ADAMTSL1: variants seen among roughly 807,000 people sequenced by gnomAD.
The protein encoded by ADAMTSL1 is ADAMTS like 1.
In ADAMTSL1, 126 loss-of-function variants were observed where a neutral mutation model predicts 201.8. The ratio of observed to expected loss-of-function variants is 0.62; its 90% CI spans 0.54 to 0.72. The LOEUF (loss-of-function observed/expected upper bound fraction) is 0.72. Ranked by LOEUF, ADAMTSL1 falls within the 30% of genes least tolerant of loss-of-function variation. The probability of loss-of-function intolerance (pLI) is 0.00; values close to 1 mark genes in which losing one functional copy is unlikely to be tolerated. For missense variants in ADAMTSL1, 2,679 were observed against 2,277.8 expected, an observed-to-expected ratio of 1.18 and a Z score of -3.59; for synonymous variants, 1,121 against 903.4, an observed-to-expected ratio of 1.24 and a Z score of -4.32.
chr9:18,221,208 T>C (rs1036891382), intron 2 of ADAMTSL1, among the ~76,000 whole-genome samples: 7 of 152,246 alleles, frequency 4.6e-5, no homozygotes, highest in African/African-American at 1.7e-4. Context: ...GGTTTTGCTT[T>C]GTTTTTAACC....
At position 18,639,353 on chromosome 9, in the gene ADAMTSL1, T is replaced by G. The variant is rs772439164; in HGVS notation, c.776T>G (p.Phe259Cys). The G allele has an allele frequency of 6.2e-7, 1 of 1,613,024 alleles. No individual in the cohort carries two copies. Among genetic ancestry groups the G allele is most frequent in the Non-Finnish European group, 8.5e-7 (1 of 1,179,312 alleles). Residue 259 changes from phenylalanine (F) to cysteine (C), a missense_variant, in exon 7 of 29, where the codon TTT (phenylalanine) becomes TGT (cysteine). By Grantham distance (205) the Phe-to-Cys change is radical. Transcript: ENST00000380548. ...AATTCTAGTGTGGACTTCCAGAAAT[T>G]TCCAGACAAAGAGATACTGAGAATG... ...VDNSSVDFQK[F>C]PDKEILRMAG... is the part of the protein sequence containing the mutation.
chr9:18,328,180 A>C (rs147498382), intron 2 of ADAMTSL1, among the ~76,000 whole-genome samples: 262 of 152,336 alleles, frequency 1.7e-3, no homozygotes, highest in African/African-American at 6.0e-3. Context: ...CCTGGGTACC[A>C]CTTCAGCTAT....
At chr9:17,928,380 T>C (rs1166260208) in intron 1 of ADAMTSL1, among the ~76,000 whole-genome samples, 2 of 152,292 alleles carry the variant, frequency 1.3e-5, no homozygotes, top group East Asian at 3.9e-4. Context: ...AAACAGTTCT[T>C]TTTGAACTCA....
chr9:18,766,800 A>G (rs1297884127), intron 16 of ADAMTSL1, among the ~76,000 whole-genome samples: 1 of 117,954 alleles, frequency 8.5e-6, no homozygotes, highest in Non-Finnish European at 1.7e-5. Context: ...TCATCTCCCA[A>G]AAGTCCTCAC....
intron 1 of ADAMTSL1, among the ~76,000 whole-genome samples, chr9:18,158,357 T>C (rs1827245090): frequency 6.6e-6 from 1 of 152,152 alleles, no homozygotes; most frequent in South Asian, 2.1e-4. Context: ...TTCTAATCCT[T>C]TACAGTTGAA....
chr9:18,794,105 T>C (rs914886975), intron 19 of ADAMTSL1, among the ~76,000 whole-genome samples: 2 of 152,002 alleles, frequency 1.3e-5, no homozygotes, highest in African/African-American at 4.8e-5. Flanking sequence ...AGTTTTGACT[T>C]TATTCTACTG....
chr9:18,324,801 T>C (rs1456279688), intron 2 of ADAMTSL1, among the ~76,000 whole-genome samples: 1 of 150,920 alleles, frequency 6.6e-6, no homozygotes, highest in Non-Finnish European at 1.5e-5. Context: ...AAATTTTAAA[T>C]GTATCTTCAC....
At chr9:18,637,862 G>A (rs1051740812) in intron 6 of ADAMTSL1, among the ~76,000 whole-genome samples, 3 of 152,032 alleles carry the variant, frequency 2.0e-5, no homozygotes, top group African/African-American at 7.2e-5. Context: ...ACCTTGAGAA[G>A]GACAGCTGTA....
intron 1 of ADAMTSL1, among the ~76,000 whole-genome samples, chr9:18,490,007 A>G (rs146609830): frequency 6.6e-6 from 1 of 152,202 alleles, no homozygotes; most frequent in South Asian, 2.1e-4. Flanking sequence ...AACCTTAGTC[A>G]TCTCGTGCTC....
intron 2 of ADAMTSL1, among the ~76,000 whole-genome samples, chr9:18,167,059 C>A (rs915509803): frequency 1.3e-5 from 2 of 151,958 alleles, no homozygotes. Context: ...AACTAAACTT[C>A]CAGTGATTGC....
At chr9:18,688,710 G>A (rs1468698857) in intron 13 of ADAMTSL1, among the ~76,000 whole-genome samples, 5 of 41,584 alleles carry the variant, frequency 1.2e-4, no homozygotes, top group African/African-American at 3.6e-4. Flanking sequence ...ATATATATAT[G>A]ACTGTGACTA....
At chr9:17,966,596 C>T (rs976461616) in intron 1 of ADAMTSL1, among the ~76,000 whole-genome samples, 2 of 152,100 alleles carry the variant, frequency 1.3e-5, no homozygotes, top group Non-Finnish European at 2.9e-5. Context: ...ATAGTTTAGT[C>T]TTGCCCTTTA....
chr9:18,425,401 AG>A (rs1819163963), intron 2 of ADAMTSL1, among the ~76,000 whole-genome samples: 1 of 98,222 alleles, frequency 1.0e-5, no homozygotes, highest in East Asian at 8.5e-4. Context: ...GAGTTCTGTT[AG>A]AATAGCAAAA....
At chr9:18,207,007 A>G (rs1043541547) in intron 2 of ADAMTSL1, among the ~76,000 whole-genome samples, 3 of 152,054 alleles carry the variant, frequency 2.0e-5, no homozygotes, top group African/African-American at 4.8e-5. Flanking sequence ...TCTACTAAAA[A>G]TACAAAAATT....
At chr9:18,255,774 A>T (rs750161336) in intron 2 of ADAMTSL1, among the ~76,000 whole-genome samples, 4 of 151,442 alleles carry the variant, frequency 2.6e-5, no homozygotes, top group Non-Finnish European at 5.9e-5. Flanking sequence ...CTCCTTGCCC[A>T]CTCCCTCCCA....
chr9:18,632,130 C>A (rs1332712), intron 5 of ADAMTSL1, among the ~76,000 whole-genome samples: 51,666 of 151,988 alleles, frequency 0.34, 9,411 homozygotes, highest in African/African-American at 0.47. Context: ...CAGGTGTTGC[C>A]ACCAGATTGC....
intron 2 of ADAMTSL1, among the ~76,000 whole-genome samples, chr9:18,286,847 T>C (rs1302071797): frequency 1.3e-5 from 2 of 152,198 alleles, no homozygotes; most frequent in South Asian, 2.1e-4. Flanking sequence ...GTTTATGTTA[T>C]AAAATATAGA....
At chr9:18,873,574 GT>G (rs1827981547) in intron 23 of ADAMTSL1, among the ~76,000 whole-genome samples, 1 of 152,030 alleles carries the variant, frequency 6.6e-6, no homozygotes, top group Non-Finnish European at 1.5e-5. Flanking sequence ...CCCACTTTAT[GT>G]TTTTGTTTGC....
At chr9:18,905,328 G>T (rs1406084174) in intron 26 of ADAMTSL1, among the ~76,000 whole-genome samples, 1 of 152,198 alleles carries the variant, frequency 6.6e-6, no homozygotes. Flanking sequence ...GGTTTAACCT[G>T]CAGAAAATGA....
Sources: gnomAD v4.1 joint callset for allele counts (sites outside exome capture counted in the v4.1 genomes callset) on GRCh38, gnomAD v4.1.1 for gene constraint, MANE v1.5 for transcripts, NCBI Gene and HGNC (gene_info 2026-07-23, HGNC 2026-07-21) for gene names.